Variants in AVEN observed in about 807,000 individuals in gnomAD.
AVEN encodes apoptosis and caspase activation inhibitor.
Under a neutral mutation model 38.1 loss-of-function variants are expected in AVEN, and 41 were observed. The ratio of observed to expected loss-of-function variants is 1.08; its 90% confidence interval spans 0.84 to 1.40. The LOEUF (loss-of-function observed/expected upper bound fraction) is 1.40, where lower values mean the gene tolerates loss of function less well. Among genes scored for constraint, AVEN ranks in the 40% most tolerant of loss-of-function variants. AVEN has a pLI of 0.00. For synonymous variants in AVEN, 206 were observed against 171.8 expected (o/e 1.20, Z -1.56); for missense variants, 605 against 438.8 (o/e 1.38, Z -3.38).
intron 2 of AVEN, among the ~76,000 whole-genome samples, chr15:33,996,374 T>G (rs527423565): frequency 6.7e-6 from 1 of 150,010 alleles, no homozygotes; most frequent in African/African-American, 2.5e-5. Flanking sequence ...ACAGACTGCC[T>G]CCTCAAGTGG....
intron 2 of AVEN, among the ~76,000 whole-genome samples, chr15:33,931,199 C>T (rs1349523624): frequency 6.6e-6 from 1 of 152,006 alleles, no homozygotes; most frequent in African/African-American, 2.4e-5. Flanking sequence ...AGAAAGGCAG[C>T]TTTCAATAAC....
intron 2 of AVEN, among the ~76,000 whole-genome samples, chr15:33,877,388 T>C (rs115350748): frequency 0.016 from 2,409 of 152,314 alleles, 70 homozygotes; most frequent in African/African-American, 0.054. Flanking sequence ...AACAGCATGA[T>C]AATCTGAAGA....
At position 33,875,976 on chromosome 15, in the gene AVEN, G is replaced by T; in HGVS notation, c.465C>A (p.Phe155Leu). The change falls in exon 3 of 6, where the codon TTC becomes TTA. Residue 155 changes from phenylalanine (F) to leucine (L), a missense_variant. Phe to Leu is a conservative substitution (Grantham distance 22). Coordinates refer to ENST00000306730, the MANE Select transcript of AVEN (RefSeq NM_020371.3). ...LSSAGDSFSQ[F>L]RFAEEKEWDS... is the part of the protein sequence containing the mutation. ...CCCATTCTTTCTCCTCAGCAAACCG[G>T]AACTGTGAGAATGAGTCCCCTAGGA... 1 of 1,612,914 alleles carries T rather than the reference G, an allele frequency of 6.2e-7. No homozygotes were observed. Among genetic ancestry groups the T allele is most frequent in the Non-Finnish European group, 8.5e-7 (1 of 1,179,826 alleles).
intron 2 of AVEN, among the ~76,000 whole-genome samples, chr15:33,892,359 G>T (rs909913294): frequency 7.2e-5 from 11 of 152,138 alleles, no homozygotes; most frequent in Non-Finnish European, 1.6e-4. Flanking sequence ...TATGGTTTTA[G>T]GTCTAACAGT....
downstream of AVEN, chr15:33,857,991 G>A (rs116758289): frequency 2.4e-3 from 3,809 of 1,579,518 alleles, 78 homozygotes; most frequent in African/African-American, 0.046. Flanking sequence ...GGGAAGAAGG[G>A]CTGTGTGGGG....
rs1269073672 is a variant in AVEN at position 34,038,927 on chromosome 15, G to GCCGCCGCCTCTGGCTA, written c.104_119dup (p.Gly41SerfsTer56). On this transcript the variant is annotated frameshift_variant, in exon 1 of 6. Coordinates refer to ENST00000306730, the MANE Select transcript of AVEN (RefSeq NM_020371.3). LOFTEE classifies it high-confidence loss of function. ...CGCCTCCGTCCCCGCCGCCGCCTCCGCCGCCGCCTCTGGCTACCGCCGCTG... is the reference window on the plus strand; with the variant it reads ...CGCCTCCGTCCCCGCCGCCGCCTCCGCCGCCGCCTCTGGCTACCGCCGCCTCTGGCTACCGCCGCTG... The GCCGCCGCCTCTGGCTA allele has an allele frequency of 9.1e-7, 1 of 1,100,452 alleles. No homozygotes were observed. Among genetic ancestry groups the GCCGCCGCCTCTGGCTA allele is most frequent in the Non-Finnish European group, 1.1e-6 (1 of 906,858 alleles). 68.2% of individuals were successfully genotyped at this position (1,100,452 alleles called of 1,614,324 possible). A position where few individuals can be genotyped will look rare whatever the true frequency, so the allele number is the denominator to read the frequency against.
chr15:33,911,083 A>C (rs1345654634), intron 2 of AVEN, among the ~76,000 whole-genome samples: 1 of 152,142 alleles, frequency 6.6e-6, no homozygotes, highest in Admixed American at 6.5e-5. Flanking sequence ...CCATTAAAAT[A>C]CCCTCTCAAA....
chr15:33,927,486 T>G (rs76497982), intron 2 of AVEN, among the ~76,000 whole-genome samples: 1 of 152,170 alleles, frequency 6.6e-6, no homozygotes, highest in Non-Finnish European at 1.5e-5. Flanking sequence ...TAAAAAGCAC[T>G]GTTTCTAACC....
chr15:34,045,489 G>A (rs1597385025), intron 5 of AVEN, among the ~76,000 whole-genome samples: 1 of 152,152 alleles, frequency 6.6e-6, no homozygotes. Context: ...ATCTAACACA[G>A]TGGTACCCCA....
At chr15:34,028,786 G>C (rs1359038610) in intron 1 of AVEN, among the ~76,000 whole-genome samples, 3 of 151,958 alleles carry the variant, frequency 2.0e-5, no homozygotes, top group African/African-American at 7.3e-5. Context: ...AGCACATGGG[G>C]GGTGAGAAGA....
At chr15:34,000,556 T>A (rs556397272) in intron 2 of AVEN, among the ~76,000 whole-genome samples, 2 of 152,358 alleles carry the variant, frequency 1.3e-5, no homozygotes, top group South Asian at 2.1e-4. Context: ...TTCTCAGTTG[T>A]CTATTTATTT....
chr15:34,021,542 A>AT (rs1048520745), intron 1 of AVEN, among the ~76,000 whole-genome samples: 3 of 151,922 alleles, frequency 2.0e-5, no homozygotes, highest in African/African-American at 7.3e-5. Context: ...CGCCTGGCTT[A>AT]TTTTCTGTAT....
At chr15:33,986,102 T>C (rs1567449819) in intron 2 of AVEN, among the ~76,000 whole-genome samples, 143 of 2,790 alleles carry the variant, frequency 0.051, 2 homozygotes, top group East Asian at 0.4. Flanking sequence ...ATTTTTTTTT[T>C]TGTTTTTTGT....
chr15:33,956,307 T>C (rs1028899215), intron 2 of AVEN, among the ~76,000 whole-genome samples: 1 of 152,238 alleles, frequency 6.6e-6, no homozygotes, highest in African/African-American at 2.4e-5. Flanking sequence ...CAACTTGAAA[T>C]GCCCTTCTTC....
At chr15:33,917,724 G>GT (rs1893205978) in intron 2 of AVEN, among the ~76,000 whole-genome samples, 1 of 152,112 alleles carries the variant, frequency 6.6e-6, no homozygotes, top group Non-Finnish European at 1.5e-5. Flanking sequence ...TCTAAGTGAA[G>GT]TAACTCAGGA....
chr15:34,049,558 T>C (rs1805031608), intron 5 of AVEN, among the ~76,000 whole-genome samples: 1 of 152,178 alleles, frequency 6.6e-6, no homozygotes, highest in Admixed American at 6.5e-5. Flanking sequence ...CCATGACTGA[T>C]TGGGGTACCT....
At chr15:33,902,202 T>G (rs1289505244) in intron 2 of AVEN, among the ~76,000 whole-genome samples, 1 of 152,178 alleles carries the variant, frequency 6.6e-6, no homozygotes, top group African/African-American at 2.4e-5. Context: ...TCCTTCAAAT[T>G]TATTCCTAAG....
chr15:34,043,853 C>T (rs1318578167), upstream of AVEN, among the ~76,000 whole-genome samples: 1 of 152,174 alleles, frequency 6.6e-6, no homozygotes, highest in African/African-American at 2.4e-5. Context: ...ATTACCACAA[C>T]TCCCAGCCTA....
intron 2 of AVEN, among the ~76,000 whole-genome samples, chr15:33,945,678 C>T (rs1228747960): frequency 1.3e-5 from 2 of 152,078 alleles, no homozygotes; most frequent in African/African-American, 4.8e-5. Flanking sequence ...CTCCACCTCC[C>T]GAGTTCAAGC....
Sources: allele counts gnomAD v4.1 joint callset (sites outside exome capture counted in the v4.1 genomes callset), GRCh38; gene constraint gnomAD v4.1.1; transcripts MANE v1.5; gene names NCBI Gene and HGNC (gene_info 2026-07-23, HGNC 2026-07-21).